Variants in LSP1 observed in about 807,000 individuals in gnomAD.
LSP1 encodes the protein lymphocyte-specific protein 1.
Under a neutral mutation model 49.3 loss-of-function variants are expected in LSP1, and 32 were observed. The ratio of observed to expected loss-of-function variants is 0.65; its 90% confidence interval spans 0.49 to 0.87. The LOEUF (loss-of-function observed/expected upper bound fraction) is 0.87, where lower values mean the gene tolerates loss of function less well. Ranked by LOEUF, LSP1 falls within the 40% of genes least tolerant of loss-of-function variation. The pLI, the probability that LSP1 is intolerant of heterozygous loss-of-function variation, is 0.00. For missense variants in LSP1, 428 were observed against 442.6 expected, an observed-to-expected ratio of 0.97 and a Z score of 0.30; for synonymous variants, 179 against 178.8, an observed-to-expected ratio of 1.00 and a Z score of -0.01.
At chr11:1,890,943 G>A (rs1051204972) in intron 10 of LSP1, 4 of 220,690 alleles carry the variant, frequency 1.8e-5, no homozygotes, top group Admixed American at 1.0e-4. Context: ...GGCTGGGGTG[G>A]GAGACGGAGA....
At position 1,884,159 on chromosome 11, in the gene LSP1, C is replaced by A; in HGVS notation, c.592-121C>A. The A allele has an allele frequency of 1.4e-6, 2 of 1,434,370 alleles. No homozygotes were observed. The highest frequency in any genetic ancestry group is 9.8e-7 in the Non-Finnish European group (1 of 1,020,116). The allele number at this position is 1,434,370 out of a possible 1,614,324, so 88.9% of individuals were successfully genotyped here. A position where few individuals can be genotyped will look rare whatever the true frequency, so the allele number is the denominator to read the frequency against. On this transcript the variant is annotated intron_variant, in intron 5 of 10. Transcript: ENST00000311604. The surrounding 1 kb of genome is among the most constrained non-coding windows in gnomAD (Gnocchi z 4.1). Reference sequence around the variant, plus strand: ...TCTGCTATCCCCCCATTGCCCGGTGCTCAGCGAACCCCCATGATATAAGGG... The same window carrying A: ...TCTGCTATCCCCCCATTGCCCGGTGATCAGCGAACCCCCATGATATAAGGG...
Position 1,884,232 on chromosome 11 carries a change from G to T in LSP1, c.592-48G>T, listed in dbSNP as rs757529367. 1 of 1,609,648 alleles carries T rather than the reference G, an allele frequency of 6.2e-7. No homozygotes were observed. The highest frequency in any genetic ancestry group is 1.7e-5 in the Admixed American group (1 of 60,014). On this transcript the variant is annotated intron_variant, in intron 5 of 10. Transcript: ENST00000311604. The surrounding 1 kb of genome is among the most constrained non-coding windows in gnomAD (Gnocchi z 4.1). The stretch of plus-strand genomic sequence containing the variant: ...GAGTAGCTGGGGAGATGGAGGGTGG[G>T]CTTTACCTCGGCTGCTGCAGGCCTG...
intron 2 of LSP1, 58 bp from the exon 3 acceptor site, chr11:1,881,374 G>A: frequency 4.0e-6 from 6 of 1,491,270 alleles, no homozygotes; most frequent in Non-Finnish European, 5.4e-6. Context: ...GTGAGTGTGG[G>A]CCCTGGGCAG....
intron 1 of LSP1, among the ~76,000 whole-genome samples, chr11:1,875,933 G>A (rs1848290964): frequency 6.6e-6 from 1 of 152,168 alleles, no homozygotes; most frequent in African/African-American, 2.4e-5. Context: ...CCACACCCTC[G>A]AGCCCCTCCC....
In LSP1 at chr11:1,887,552, C is replaced by G; in HGVS notation, c.1009C>G (p.Pro337Ala). The G allele has an allele frequency of 6.2e-7, 1 of 1,613,750 alleles. No homozygotes were observed. Among genetic ancestry groups the G allele is most frequent in the South Asian group, 1.1e-5 (1 of 91,064 alleles). Residue 337 changes from proline to alanine, a missense_variant, in exon 10 of 11, where the codon CCG becomes GCG. Coordinates refer to ENST00000311604, the MANE Select transcript of LSP1 (RefSeq NM_002339.3). ...TGAGAAGGTGCTTGTGGAAGGGGGCCCGGCTCCCTAGGCGTCCCATCTCGG... is the reference window on the plus strand; with the variant it reads ...TGAGAAGGTGCTTGTGGAAGGGGGCGCGGCTCCCTAGGCGTCCCATCTCGG... ...KYEKVLVEGG[P>A]AP
Position 1,884,438 on chromosome 11 carries a change from T to C in LSP1, c.636-62T>C, listed in dbSNP as rs1589830406. On this transcript the variant is annotated intron_variant, in intron 6 of 10. Coordinates refer to ENST00000311604, the MANE Select transcript of LSP1 (RefSeq NM_002339.3). This position sits in a 1 kb window ranked among gnomAD's most constrained non-coding sequence, Gnocchi z 4.1. Reference sequence around the variant, plus strand: ...GACCGAGGGGGGCTCTGGGAGAGGCTTGGGCAGGTTGGGAGAAGCCTTGTG... The same window carrying C: ...GACCGAGGGGGGCTCTGGGAGAGGCCTGGGCAGGTTGGGAGAAGCCTTGTG... 5.0e-6 allele frequency: 8 copies of C among 1,602,404 alleles called. No homozygotes were observed. The East Asian group carries it at 1.8e-4, about 36-fold the overall frequency.
At chr11:1,882,920 C>T (rs1445863491) in intron 3 of LSP1, among the ~76,000 whole-genome samples, 1 of 152,246 alleles carries the variant, frequency 6.6e-6, no homozygotes, top group African/African-American at 2.4e-5. Context: ...GCCGGCAGCC[C>T]CTTGGCCCTG....
rs763868652 is a variant in LSP1 at position 1,886,745 on chromosome 11, C to T, written c.731C>T (p.Thr244Ile). ...CCTCCTCTGCAGACCGCTGGCCGGA[C>T]CCCCAAGCTAGCCCGCCAGGCCTCC... ...YTQAIETAGR[T>I]PKLARQASIE... Residue 244 changes from threonine to isoleucine, a missense_variant, in exon 8 of 11, where the codon ACC becomes ATC. Transcript: ENST00000311604. 2.7e-5 allele frequency: 44 copies of T among 1,610,134 alleles called. No individual in the cohort carries two copies. Among genetic ancestry groups the T allele is most frequent in the South Asian group, 9.9e-5 (9 of 90,936 alleles).
chr11:1,869,945 T>TG (rs1847929550), intron 1 of LSP1, among the ~76,000 whole-genome samples: 1 of 151,958 alleles, frequency 6.6e-6, no homozygotes, highest in African/African-American at 2.4e-5. Context: ...ACCCGGTTCT[T>TG]GGGGGTTGAG....
In LSP1 at chr11:1,884,197, T is replaced by A; in HGVS notation, c.592-83T>A. On this transcript the variant is annotated intron_variant, in intron 5 of 10. Transcript: ENST00000311604. This position sits in a 1 kb window ranked among gnomAD's most constrained non-coding sequence, Gnocchi z 4.1. Reference sequence around the variant, plus strand: ...CATGATATAAGGGTTGGGGGTTGGATTAGTGGTTGGAGTAGCTGGGGAGAT... The same window carrying A: ...CATGATATAAGGGTTGGGGGTTGGAATAGTGGTTGGAGTAGCTGGGGAGAT... The A allele has an allele frequency of 6.5e-7, 1 of 1,530,738 alleles. No homozygotes were observed. Among genetic ancestry groups the A allele is most frequent in the Non-Finnish European group, 9.1e-7 (1 of 1,104,350 alleles). The allele number at this position is 1,530,738 out of a possible 1,614,324, so 94.8% of individuals were successfully genotyped here. A position where few individuals can be genotyped will look rare whatever the true frequency, so the allele number is the denominator to read the frequency against.
intron 1 of LSP1, among the ~76,000 whole-genome samples, chr11:1,879,536 G>A (rs537893383): frequency 1.3e-3 from 199 of 152,324 alleles, no homozygotes; most frequent in Non-Finnish European, 2.5e-3. Flanking sequence ...CTGCCTGGAC[G>A]TGCTCAGGCC....
intron 1 of LSP1, among the ~76,000 whole-genome samples, chr11:1,877,972 C>T (rs1469998311): frequency 1.3e-5 from 2 of 152,110 alleles, no homozygotes; most frequent in Non-Finnish European, 2.9e-5. Flanking sequence ...GGGGTCTCTG[C>T]GCCAATGTGT....
chr11:1,879,298 T>C (rs1420962418), intron 1 of LSP1, among the ~76,000 whole-genome samples: 1 of 152,070 alleles, frequency 6.6e-6, no homozygotes, highest in Non-Finnish European at 1.5e-5. Context: ...TGAGCCCAGA[T>C]CACACCATTG....
At chr11:1,862,206 G>A (rs1847660399) in intron 1 of LSP1, among the ~76,000 whole-genome samples, 1 of 152,146 alleles carries the variant, frequency 6.6e-6, no homozygotes. Context: ...ATGGATGGAT[G>A]AGTGGGTGAA....
chr11:1,880,093 T>C lies in LSP1; in HGVS notation c.60T>C (p.Thr20=), dbSNP rs143537697. ...CCTCTGTGTCCCCCACTAGGCCCACTGCTCAGTGGAGCGTGGAGGACGAGG... is the reference window on the plus strand; with the variant it reads ...CCTCTGTGTCCCCCACTAGGCCCACCGCTCAGTGGAGCGTGGAGGACGAGG... ...AEEREELLGP[T]AQWSVEDEEE... Residue 20 remains threonine (T), a synonymous_variant, in exon 2 of 11, where the codon ACT becomes ACC. Coordinates refer to ENST00000311604, the MANE Select transcript of LSP1 (RefSeq NM_002339.3). The C allele has an allele frequency of 6.2e-7, 1 of 1,609,396 alleles. No homozygotes were observed. The highest frequency in any genetic ancestry group is 8.5e-7 in the Non-Finnish European group (1 of 1,177,726).
intron 8 of LSP1, 24 bp from the exon 9 acceptor site, chr11:1,887,213 G>C: frequency 6.8e-7 from 1 of 1,479,890 alleles, no homozygotes; most frequent in Non-Finnish European, 9.3e-7. Context: ...CTGCCCTTGT[G>C]ACATACCCTT....
intron 1 of LSP1, among the ~76,000 whole-genome samples, chr11:1,859,227 G>T (rs1847561761): frequency 6.6e-6 from 1 of 152,140 alleles, no homozygotes; most frequent in Non-Finnish European, 1.5e-5. Flanking sequence ...AGGGAGAGTG[G>T]CTGAGGTGTC....
chr11:1,879,101 T>C (rs1048480473), intron 1 of LSP1, among the ~76,000 whole-genome samples: 61 of 152,204 alleles, frequency 4.0e-4, no homozygotes, highest in African/African-American at 1.3e-3. Flanking sequence ...TCCCACCACC[T>C]TGGGAGGCTG....
intron 1 of LSP1, among the ~76,000 whole-genome samples, chr11:1,861,743 GTGGATGA>G (rs1847639185): frequency 9.0e-6 from 1 of 111,404 alleles, no homozygotes; most frequent in Admixed American, 9.2e-5. Flanking sequence ...GGATGGATTG[GTGGATGA>G]GTGGATGAGT....
Sources: allele counts gnomAD v4.1 joint callset (sites outside exome capture counted in the v4.1 genomes callset), GRCh38; gene constraint gnomAD v4.1.1; non-coding constraint Gnocchi (gnomAD v3.1); transcripts MANE v1.5; gene names NCBI Gene and HGNC (gene_info 2026-07-23, HGNC 2026-07-21).